Variants in MRTFB observed in about 807,000 individuals in gnomAD.
The protein encoded by MRTFB is myocardin related transcription factor B.
MRTFB carries 29 observed loss-of-function variants against 104.2 expected under a neutral mutation model. The ratio of observed to expected loss-of-function variants is 0.28; its 90% CI spans 0.21 to 0.38. MRTFB has a LOEUF of 0.38. Among genes scored for constraint, MRTFB ranks in the 10% least tolerant of loss-of-function variants. MRTFB has a pLI of 1.00. For synonymous variants in MRTFB, 535 were observed against 519.5 expected, an observed-to-expected ratio of 1.03 and a Z score of -0.41; for missense variants, 1,270 against 1,341.6, an observed-to-expected ratio of 0.95 and a Z score of 0.83.
chr16:13,997,853 C>T, the MRTFB span, among the ~76,000 whole-genome samples: 3 of 150,402 alleles, frequency 2.0e-5, no homozygotes, highest in East Asian at 2.0e-4. Context: ...TGAGTACCTA[C>T]GTTGTGCTAG....
chr16:14,149,322 G>A (rs2142755877), intron 3 of MRTFB: 1 of 152,282 alleles, frequency 6.6e-6, no homozygotes, highest in South Asian at 2.1e-4. Context: ...GTTTAATGAA[G>A]ACATAACAAG....
the MRTFB span, among the ~76,000 whole-genome samples, chr16:14,049,069 CAG>C: frequency 6.6e-6 from 1 of 151,310 alleles, no homozygotes. Flanking sequence ...CCGTCACAAC[CAG>C]AGAGAGAGAG....
At chr16:14,127,998 G>T (rs1456917456) in intron 2 of MRTFB, among the ~76,000 whole-genome samples, 1 of 140,584 alleles carries the variant, frequency 7.1e-6, no homozygotes, top group Non-Finnish European at 1.5e-5. Flanking sequence ...GCCAAGTCCA[G>T]GTCCATTCTG....
chr16:14,124,323 G>A (rs2037000399), intron 2 of MRTFB, among the ~76,000 whole-genome samples: 1 of 152,166 alleles, frequency 6.6e-6, no homozygotes, highest in Non-Finnish European at 1.5e-5. Flanking sequence ...TGGTGAGAGA[G>A]GGCATCCTTG....
chr16:14,087,180 G>C (rs531209790), intron 2 of MRTFB, among the ~76,000 whole-genome samples: 27 of 152,252 alleles, frequency 1.8e-4, no homozygotes, highest in African/African-American at 6.0e-4. Flanking sequence ...CAGCTGAATT[G>C]GTCTCTCCCA....
the MRTFB span, among the ~76,000 whole-genome samples, chr16:14,042,861 T>G: frequency 6.6e-6 from 1 of 152,180 alleles, no homozygotes; most frequent in East Asian, 1.9e-4. Context: ...ACGGGAAATG[T>G]GTGCCCAGAA....
the MRTFB span, among the ~76,000 whole-genome samples, chr16:14,059,991 CAT>C: frequency 7.1e-6 from 1 of 141,220 alleles, no homozygotes; most frequent in African/African-American, 2.7e-5. Context: ...AACAGAGAGA[CAT>C]GTAATTTTTT....
At chr16:14,136,273 C>CA (rs1267132037) in intron 2 of MRTFB, among the ~76,000 whole-genome samples, 221 of 136,962 alleles carry the variant, frequency 1.6e-3, no homozygotes, top group East Asian at 9.2e-3. Context: ...GACTCTGTCT[C>CA]AAAAAAAAAA....
At chr16:14,067,220 C>CT (rs1236193770), upstream of MRTFB, among the ~76,000 whole-genome samples, 1,807 of 127,944 alleles carry the variant, frequency 0.014, 21 homozygotes, top group Middle Eastern at 0.03. Flanking sequence ...TGTTAACCCT[C>CT]TTTTTTTTTT....
At chr16:14,142,902 T>A (rs2038085016) in intron 3 of MRTFB, 1 of 152,180 alleles carries the variant, frequency 6.6e-6, no homozygotes, top group Admixed American at 6.5e-5. Context: ...AATGGTAAAA[T>A]TTTAAATTTA....
intron 1 of MRTFB, among the ~76,000 whole-genome samples, chr16:14,073,488 T>G (rs1023698440): frequency 1.3e-5 from 2 of 152,248 alleles, no homozygotes; most frequent in East Asian, 1.9e-4. Context: ...TGTTTTGTTT[T>G]TTCTTTCTTT....
At chr16:14,160,687 GA>G (rs60056032) in intron 3 of MRTFB, among the ~76,000 whole-genome samples, 13,506 of 145,750 alleles carry the variant, frequency 0.093, 1,204 homozygotes, top group African/African-American at 0.24. Flanking sequence ...CTATTCTGAG[GA>G]AAAAAAAAAG....
At chr16:14,213,485 A>T in intron 5 of MRTFB, 60 bp from the exon 6 acceptor site, 5 of 1,200,710 alleles carry the variant, frequency 4.2e-6, no homozygotes, top group Non-Finnish European at 5.9e-6. Flanking sequence ...ACCTTAAAGA[A>T]CATTTAAAAC....
intron 2 of MRTFB, among the ~76,000 whole-genome samples, chr16:14,102,860 G>A (rs1205947925): frequency 6.6e-6 from 1 of 152,180 alleles, no homozygotes; most frequent in East Asian, 1.9e-4. Flanking sequence ...TTTAGAATGT[G>A]CAGTTTTCTC....
chr16:14,204,321 A>T (rs769622133), intron 3 of MRTFB, among the ~76,000 whole-genome samples: 2 of 152,102 alleles, frequency 1.3e-5, no homozygotes, highest in Non-Finnish European at 2.9e-5. Context: ...TTTTGTTCTA[A>T]AAGCACTCTA....
intron 10 of MRTFB, among the ~76,000 whole-genome samples, chr16:14,242,053 C>A (rs960990331): frequency 2.0e-5 from 3 of 151,578 alleles, no homozygotes; most frequent in Non-Finnish European, 4.4e-5. Flanking sequence ...ATGCGTTGTG[C>A]TTAAAACCGT....
In MRTFB at chr16:14,197,741, G is replaced by A. The variant is rs34183481; in HGVS notation, c.155-12502G>A. 3.1e-3 allele frequency among the ~76,000 whole-genome samples: 471 copies of A among 152,178 alleles called. 1 individual carries two copies. The highest frequency in any genetic ancestry group is 0.01 in the African/African-American group (432 of 41,500). ...TAGAGGCAAAATATAGATATCTAGC[G>A]TGCAGTGTGATGGGGAATATATAAT... On this transcript the variant is annotated intron_variant, in intron 3 of 16. Transcript: ENST00000571589.
intron 2 of MRTFB, among the ~76,000 whole-genome samples, chr16:14,115,641 A>C (rs1439962035): frequency 6.6e-6 from 1 of 152,192 alleles, no homozygotes; most frequent in Non-Finnish European, 1.5e-5. Flanking sequence ...CCCCATAATC[A>C]AACATTAATA....
chr16:14,212,252 G>C, intron 4 of MRTFB, 102 bp from the exon 5 acceptor site: 1 of 1,101,464 alleles, frequency 9.1e-7, no homozygotes. Flanking sequence ...TGGAACTGTA[G>C]TTGTGATCTG....
Sources: allele counts gnomAD v4.1 joint callset (sites outside exome capture counted in the v4.1 genomes callset), GRCh38; gene constraint gnomAD v4.1.1; transcripts MANE v1.5; gene names NCBI Gene and HGNC (gene_info 2026-07-23, HGNC 2026-07-21).